CSGALNACT1: variants seen among roughly 807,000 people sequenced by gnomAD.
The protein encoded by CSGALNACT1 is beta4GalNAcT-1.
Under a neutral mutation model 51.0 loss-of-function variants are expected in CSGALNACT1, and 52 were observed. The observed-to-expected ratio is 1.02, with a 90% CI of 0.82 to 1.29. The LOEUF (loss-of-function observed/expected upper bound fraction) is 1.29, where lower values mean the gene tolerates loss of function less well. Ranked by LOEUF, CSGALNACT1 falls within the 50% of genes most tolerant of loss-of-function variation. The probability of loss-of-function intolerance (pLI) is 0.00; values close to 1 mark genes in which losing one functional copy is unlikely to be tolerated. For missense variants in CSGALNACT1, 935 were observed against 679.2 expected (o/e 1.38, Z -4.19); for synonymous variants, 341 against 254.4 (o/e 1.34, Z -3.24).
chr8:19,415,782 A>G (rs1457866715), intron 8 of CSGALNACT1, among the ~76,000 whole-genome samples: 1 of 152,258 alleles, frequency 6.6e-6, no homozygotes, highest in Non-Finnish European at 1.5e-5. Context: ...ATTGGCAGAA[A>G]GAAAATAAAT....
At chr8:19,595,288 C>A (rs780947353) in intron 2 of CSGALNACT1, among the ~76,000 whole-genome samples, 4 of 152,170 alleles carry the variant, frequency 2.6e-5, no homozygotes, top group Non-Finnish European at 5.9e-5. Flanking sequence ...GAACAACATG[C>A]TATTTTTCTC....
At chr8:19,722,070 G>C (rs1041870461) in intron 1 of CSGALNACT1, among the ~76,000 whole-genome samples, 1 of 151,574 alleles carries the variant, frequency 6.6e-6, no homozygotes, top group East Asian at 1.9e-4. Flanking sequence ...AATTCATGTT[G>C]GTTTAAATTC....
chr8:19,624,194 C>G (rs1589107745), intron 1 of CSGALNACT1, among the ~76,000 whole-genome samples: 1 of 152,282 alleles, frequency 6.6e-6, no homozygotes, highest in Non-Finnish European at 1.5e-5. Flanking sequence ...CATCTACTAC[C>G]TCTGGTTCCT....
chr8:19,657,239 T>TGATAAACTGAAAGATAAACTGAAA (rs11204059), intron 1 of CSGALNACT1, among the ~76,000 whole-genome samples: 4,720 of 86,326 alleles, frequency 0.055, 404 homozygotes, highest in East Asian at 0.25. Flanking sequence ...AACTGAAAGA[T>TGATAAACTGAAAGATAAACTGAAA]GATAAACTGA....
At chr8:19,730,902 G>A (rs1021904626) in intron 1 of CSGALNACT1, among the ~76,000 whole-genome samples, 1 of 152,202 alleles carries the variant, frequency 6.6e-6, no homozygotes, top group Non-Finnish European at 1.5e-5. Flanking sequence ...AGCTTGGGCA[G>A]AACAGAATGC....
rs146482632 is a variant in CSGALNACT1 at position 19,513,404 on chromosome 8, T to TTCTCTCTCTCTCTC, written c.-296-7275_-296-7274insGAGAGAGAGAGAGA. Among the ~76,000 whole-genome samples the TTCTCTCTCTCTCTC allele has an allele frequency of 8.5e-4, 81 of 95,000 alleles. 4 individuals carry two copies. The highest frequency in any genetic ancestry group is 4.1e-3 in the East Asian group (7 of 1,720). The allele number at this position is 95,000 out of a possible 152,430, so 62.3% of individuals were successfully genotyped here. On this transcript the variant is annotated intron_variant, in intron 3 of 9. Transcript: ENST00000454498. ...CCCAGTACATTCTGTTCATAGAATT[T>TTCTCTCTCTCTCTC]TCTCTCTCTCACTCTCTCTCTCTCT...
intron 4 of CSGALNACT1, among the ~76,000 whole-genome samples, chr8:19,459,382 C>CAA (rs377411028): frequency 1.0e-3 from 69 of 68,918 alleles, no homozygotes; most frequent in East Asian, 1.3e-3. Context: ...AACTTTATCT[C>CAA]AAAAAAAAAA....
At chr8:19,535,843 A>G (rs978852068) in intron 3 of CSGALNACT1, among the ~76,000 whole-genome samples, 10 of 152,174 alleles carry the variant, frequency 6.6e-5, no homozygotes, top group African/African-American at 2.4e-4. Context: ...CTGGATAAGG[A>G]ATATCTACAA....
intron 3 of CSGALNACT1, among the ~76,000 whole-genome samples, chr8:19,537,226 T>C (rs767773480): frequency 6.6e-6 from 1 of 152,142 alleles, no homozygotes; most frequent in African/African-American, 2.4e-5. Flanking sequence ...AGGCTGTAAC[T>C]ACACTCCCCC....
chr8:19,466,127 G>C (rs2066614117), intron 4 of CSGALNACT1, among the ~76,000 whole-genome samples: 1 of 152,278 alleles, frequency 6.6e-6, no homozygotes, highest in East Asian at 1.9e-4. Flanking sequence ...TTTTGAAAGG[G>C]GGGATTTTTA....
chr8:19,666,144 G>A (rs2059157476), intron 1 of CSGALNACT1, among the ~76,000 whole-genome samples: 1 of 152,170 alleles, frequency 6.6e-6, no homozygotes, highest in South Asian at 2.1e-4. Context: ...GGTGAAAGGA[G>A]GGTGCTCCAC....
chr8:19,624,321 T>G (rs1044674390), intron 1 of CSGALNACT1, among the ~76,000 whole-genome samples: 1 of 152,204 alleles, frequency 6.6e-6, no homozygotes, highest in African/African-American at 2.4e-5. Flanking sequence ...TTTAAAAAAT[T>G]TTGTATTCTC....
Position 19,757,094 on chromosome 8 carries a change from T to TGCCTAGCACACCCCG in CSGALNACT1, c.-297+755_-297+756insCGGGGTGTGCTAGGC, listed in dbSNP as rs2065445951. Reference sequence around the variant, plus strand: ...GGTCGCGGGGTGGGCGGGCGCGAGCTAGGCGCGCGGGGCTGTGGGGATCTG... The same window carrying TGCCTAGCACACCCCG: ...GGTCGCGGGGTGGGCGGGCGCGAGCTGCCTAGCACACCCCGAGGCGCGCGGGGCTGTGGGGATCTG... On this transcript the variant is annotated intron_variant, in intron 1 of 1. Transcript: ENST00000517494. This position sits in a 1 kb window ranked among gnomAD's most constrained non-coding sequence, Gnocchi z 4.0. The TGCCTAGCACACCCCG allele has an allele frequency of 6.7e-6, 1 of 149,786 alleles. No individual in the cohort carries two copies. The highest frequency in any genetic ancestry group is 2.4e-5 in the African/African-American group (1 of 41,050). The allele number at this position is 149,786 out of a possible 1,614,324, so 9.3% of individuals were successfully genotyped here. A position where few individuals can be genotyped will look rare whatever the true frequency, so the allele number is the denominator to read the frequency against.
At position 19,661,770 on chromosome 8, in the gene CSGALNACT1, G is replaced by A. The variant is rs191470250; in HGVS notation, c.-544+20703C>T. Among the ~76,000 whole-genome samples the A allele has an allele frequency of 2.6e-3, 397 of 152,280 alleles. 4 individuals carry two copies. Among genetic ancestry groups the A allele is most frequent in the Admixed American group, 0.025 (375 of 15,298 alleles). ...TCAGGTAAGGTCTTCATTTCCAGTA[G>A]AAGCTGCTTACAGATGTGCCACTCA... On this transcript the variant is annotated intron_variant, in intron 1 of 9. Transcript: ENST00000332246.
At chr8:19,424,900 G>A (rs1279252340) in intron 6 of CSGALNACT1, among the ~76,000 whole-genome samples, 2 of 152,316 alleles carry the variant, frequency 1.3e-5, no homozygotes, top group African/African-American at 2.4e-5. Context: ...TTGCCAGGCA[G>A]GCATGCTGCT....
intron 1 of CSGALNACT1, among the ~76,000 whole-genome samples, chr8:19,626,797 G>C (rs903328866): frequency 1.3e-4 from 20 of 152,270 alleles, no homozygotes; most frequent in African/African-American, 4.8e-4. Context: ...GAGAATATGG[G>C]TGGTGAGTAA....
At chr8:19,540,813 C>G (rs2154069720) in intron 3 of CSGALNACT1, among the ~76,000 whole-genome samples, 2 of 152,310 alleles carry the variant, frequency 1.3e-5, no homozygotes, top group Admixed American at 1.3e-4. Context: ...ATCTTTCTCC[C>G]TTTGCTGGAA....
chr8:19,664,895 TG>T (rs2059062942), intron 1 of CSGALNACT1, among the ~76,000 whole-genome samples: 1 of 152,142 alleles, frequency 6.6e-6, no homozygotes, highest in African/African-American at 2.4e-5. Context: ...AATGGGAGGA[TG>T]GGGGGTGAGA....
intron 5 of CSGALNACT1, among the ~76,000 whole-genome samples, chr8:19,454,057 T>C (rs547287251): frequency 6.6e-6 from 1 of 152,358 alleles, no homozygotes; most frequent in Non-Finnish European, 1.5e-5. Context: ...AGAGACAAAG[T>C]AAAGTGGTCT....
Sources: allele counts gnomAD v4.1 joint callset (sites outside exome capture counted in the v4.1 genomes callset), GRCh38; gene constraint gnomAD v4.1.1; non-coding constraint Gnocchi (gnomAD v3.1); transcripts MANE v1.5; gene names NCBI Gene and HGNC (gene_info 2026-07-23, HGNC 2026-07-21).